ANKRD54: variants seen among roughly 807,000 people sequenced by gnomAD.
The protein encoded by ANKRD54 is ankyrin repeat domain-containing protein 54.
In ANKRD54, 26 loss-of-function variants were observed where a neutral mutation model predicts 36.2. That is an observed-to-expected ratio of 0.72 (90% CI 0.53 to 1.00). The LOEUF is 1.00. Among genes scored for constraint, ANKRD54 ranks in the 50% least tolerant of loss-of-function variants. The pLI is 0.00. For synonymous variants in ANKRD54, 209 were observed against 188.4 expected, an observed-to-expected ratio of 1.11 and a Z score of -0.89; for missense variants, 384 against 424.3, an observed-to-expected ratio of 0.91 and a Z score of 0.83.
intron 3 of ANKRD54, chr22:37,834,664 C>T (rs1923297675): frequency 8.6e-6 from 1 of 116,326 alleles, no homozygotes; most frequent in South Asian, 3.0e-4. Flanking sequence ...TGCCAGTGCA[C>T]TCCAGCCTAG....
intron 2 of ANKRD54, among the ~76,000 whole-genome samples, chr22:37,839,089 G>C (rs1197393283): frequency 1.3e-5 from 2 of 152,224 alleles, no homozygotes; most frequent in Non-Finnish European, 1.5e-5. Context: ...TGGTCAGGCT[G>C]GTCTCGACCT....
At chr22:37,849,288 G>A (rs756518665), upstream of ANKRD54, 11 of 854,852 alleles carry the variant, frequency 1.3e-5, no homozygotes, top group African/African-American at 5.0e-5. Flanking sequence ...CACGGAACGC[G>A]GCTCCTCTTC....
At position 37,838,203 on chromosome 22, in the gene ANKRD54, T is replaced by C. The variant is rs142655490; in HGVS notation, c.475+297A>G. 8.1e-4 allele frequency among the ~76,000 whole-genome samples: 123 copies of C among 152,228 alleles called. 1 individual carries two copies. Among genetic ancestry groups the C allele is most frequent in the African/African-American group, 2.8e-3 (117 of 41,534 alleles). ...TGCTGTGGTTGGCACTGAGTAAATG[T>C]TACCTGAAAGTCTTGAAGGCCTGGG... On this transcript the variant is annotated intron_variant, in intron 3 of 7. Coordinates refer to ENST00000215941, the MANE Select transcript of ANKRD54 (RefSeq NM_138797.4).
chr22:37,840,915 CA>C (rs1054409921), intron 1 of ANKRD54, among the ~76,000 whole-genome samples: 4 of 151,344 alleles, frequency 2.6e-5, no homozygotes, highest in Admixed American at 2.6e-4. Flanking sequence ...CAAAAACCAA[CA>C]AAAAAAACCC....
upstream of ANKRD54, among the ~76,000 whole-genome samples, chr22:37,846,416 C>T (rs181762411): frequency 3.1e-4 from 47 of 152,160 alleles, no homozygotes; most frequent in African/African-American, 1.1e-3. Context: ...TTTCCTCCCA[C>T]CTCAGCCTCC....
At chr22:37,835,783 A>G (rs975359052) in intron 3 of ANKRD54, among the ~76,000 whole-genome samples, 4 of 152,178 alleles carry the variant, frequency 2.6e-5, no homozygotes, top group African/African-American at 9.6e-5. Context: ...GTAAGCCTGG[A>G]TGACAGAGTG....
Position 37,833,294 on chromosome 22 carries a change from C to T in ANKRD54, c.548-88G>A, listed in dbSNP as rs577772176. On this transcript the variant is annotated intron_variant, in intron 4 of 7. Coordinates refer to ENST00000215941, the MANE Select transcript of ANKRD54 (RefSeq NM_138797.4). ...CTGGAGGGAGCAGGGCTGTGTCTCCCAGACGCCTGTGCCAAGTTATGCCTA... is the reference window on the plus strand; with the variant it reads ...CTGGAGGGAGCAGGGCTGTGTCTCCTAGACGCCTGTGCCAAGTTATGCCTA... 5 of 1,531,816 alleles carry T rather than the reference C, an allele frequency of 3.3e-6. No homozygotes were observed. The African/African-American group carries it at 6.8e-5, about 21-fold the overall frequency. 94.9% of individuals were successfully genotyped at this position (1,531,816 alleles called of 1,614,324 possible).
intron 3 of ANKRD54, among the ~76,000 whole-genome samples, chr22:37,837,545 G>A (rs552791076): frequency 3.3e-5 from 5 of 152,338 alleles, no homozygotes; most frequent in African/African-American, 4.8e-5. Flanking sequence ...CTCAGAACCC[G>A]AGGATATGGA....
In ANKRD54 at chr22:37,838,487, C is replaced by T. The variant is rs1488840853; in HGVS notation, c.475+13G>A. On this transcript the variant is annotated intron_variant, in intron 3 of 7. Coordinates refer to ENST00000215941, the MANE Select transcript of ANKRD54 (RefSeq NM_138797.4). Reference sequence around the variant, plus strand: ...TGCCTAGCCCTACTCCCTCCTCCCTCCCCAGGACTCACCAATCTGGTCATT... The same window carrying T: ...TGCCTAGCCCTACTCCCTCCTCCCTTCCCAGGACTCACCAATCTGGTCATT... 1.2e-6 allele frequency: 2 copies of T among 1,606,752 alleles called. No individual in the cohort carries two copies. Among genetic ancestry groups the T allele is most frequent in the Non-Finnish European group, 8.5e-7 (1 of 1,176,802 alleles).
Position 37,831,679 on chromosome 22 carries a change from G to A in ANKRD54, c.*264C>T. ...CGCAGGTCTGCGGAGCTGAAGTGCA[G>A]CTGCAGAGGCTGGTCTGGTGCTGCG... On this transcript the variant is annotated 3_prime_UTR_variant, in exon 8 of 8. Transcript: ENST00000215941. 1 of 530,948 alleles carries A rather than the reference G, an allele frequency of 1.9e-6. No homozygotes were observed. Among genetic ancestry groups the A allele is most frequent in the East Asian group, 3.1e-5 (1 of 32,394 alleles). The allele number at this position is 530,948 out of a possible 1,614,324, so 32.9% of individuals were successfully genotyped here. A position where few individuals can be genotyped will look rare whatever the true frequency, so the allele number is the denominator to read the frequency against.
upstream of ANKRD54, among the ~76,000 whole-genome samples, chr22:37,846,718 A>C (rs1006335306): frequency 3.9e-5 from 6 of 152,188 alleles, no homozygotes; most frequent in African/African-American, 7.2e-5. Flanking sequence ...GAGCCACCAC[A>C]TCCAGCCCCA....
intron 3 of ANKRD54, among the ~76,000 whole-genome samples, chr22:37,837,918 G>A (rs756966478): frequency 6.6e-6 from 1 of 152,190 alleles, no homozygotes; most frequent in Non-Finnish European, 1.5e-5. Flanking sequence ...TGGATCACGA[G>A]GTCAGGAGAT....
At chr22:37,845,397 C>T (rs1055848734), upstream of ANKRD54, among the ~76,000 whole-genome samples, 3 of 152,148 alleles carry the variant, frequency 2.0e-5, no homozygotes, top group Non-Finnish European at 4.4e-5. Context: ...AAACTTCTCA[C>T]AATCCCGTAC....
At chr22:37,840,123 C>T in intron 2 of ANKRD54, 64 bp downstream of exon 2, 2 of 1,590,548 alleles carry the variant, frequency 1.3e-6, no homozygotes, top group Non-Finnish European at 1.7e-6. Flanking sequence ...TATTGATTAC[C>T]TGGCCTTTTC....
At chr22:37,837,712 G>A (rs755068301) in intron 3 of ANKRD54, among the ~76,000 whole-genome samples, 1 of 152,222 alleles carries the variant, frequency 6.6e-6, no homozygotes, top group African/African-American at 2.4e-5. Flanking sequence ...ATGCAAGGCT[G>A]GTGCAGTGGC....
At chr22:37,841,972 G>A (rs982115800) in intron 1 of ANKRD54, among the ~76,000 whole-genome samples, 9 of 149,272 alleles carry the variant, frequency 6.0e-5, no homozygotes, top group Admixed American at 3.4e-4. Flanking sequence ...GCTGAGACAC[G>A]AGAATCACTT....
At chr22:37,847,541 C>T (rs1001485336), upstream of ANKRD54, 2 of 370,786 alleles carry the variant, frequency 5.4e-6, no homozygotes, top group Non-Finnish European at 1.1e-5. Context: ...TGATTAAGGG[C>T]AGTCTGAAGA....
chr22:37,835,917 G>A (rs1329167615), intron 3 of ANKRD54, among the ~76,000 whole-genome samples: 1 of 152,064 alleles, frequency 6.6e-6, no homozygotes. Context: ...TCGGCTCACT[G>A]TAAGCTCCGC....
At chr22:37,838,619 G>A (rs1923831670) in intron 2 of ANKRD54, 21 bp from the exon 3 acceptor site, 3 of 1,597,636 alleles carry the variant, frequency 1.9e-6, no homozygotes, top group Non-Finnish European at 2.6e-6. Flanking sequence ...CAAGACAGAG[G>A]GAGGAAGGGG....
Sources: allele counts gnomAD v4.1 joint callset (sites outside exome capture counted in the v4.1 genomes callset), GRCh38; gene constraint gnomAD v4.1.1; transcripts MANE v1.5; gene names NCBI Gene and HGNC (gene_info 2026-07-23, HGNC 2026-07-21).